Variants in ATG10 observed in about 807,000 individuals in gnomAD.
The protein encoded by ATG10 is autophagy related 10.
ATG10 carries 30 observed loss-of-function variants against 32.1 expected under a neutral mutation model. The observed-to-expected ratio is 0.94, with a 90% CI of 0.70 to 1.27. ATG10 has a LOEUF of 1.27. ATG10 is among the 50% of genes most tolerant of loss of function. ATG10 has a pLI of 0.00. For missense variants in ATG10, 233 were observed against 262.3 expected, an observed-to-expected ratio of 0.89 and a Z score of 0.77; for synonymous variants, 87 against 91.5, an observed-to-expected ratio of 0.95 and a Z score of 0.28.
At chr5:82,048,395 G>A (rs541151101) in intron 2 of ATG10, among the ~76,000 whole-genome samples, 1 of 150,476 alleles carries the variant, frequency 6.6e-6, no homozygotes, top group East Asian at 2.0e-4. Context: ...TTATTTCCTT[G>A]AGCAGTGGTT....
At position 82,174,008 on chromosome 5, in the gene ATG10, T is replaced by G. The variant is rs536038361; in HGVS notation, c.356-4482T>G. ...TATGATGCAGTTCTTTATACATATA[T>G]AAATATCCCAGTTTGTTTCAGTGGG... On this transcript the variant is annotated intron_variant, in intron 4 of 7. Coordinates refer to ENST00000282185, the MANE Select transcript of ATG10 (RefSeq NM_031482.5). Among the ~76,000 whole-genome samples the G allele has an allele frequency of 2.0e-5, 3 of 152,330 alleles. No individual in the cohort carries two copies. The East Asian group carries it at 5.8e-4, about 29-fold the overall frequency.
At chr5:82,220,635 C>CTTTTT (rs1189095698) in intron 5 of ATG10, among the ~76,000 whole-genome samples, 1 of 143,154 alleles carries the variant, frequency 7.0e-6, no homozygotes, top group African/African-American at 2.6e-5. Flanking sequence ...CTCTCTCTCT[C>CTTTTT]TTTTTTTTTT....
chr5:82,017,740 T>C (rs543470015), intron 2 of ATG10, among the ~76,000 whole-genome samples: 1 of 152,322 alleles, frequency 6.6e-6, no homozygotes, highest in East Asian at 1.9e-4. Context: ...ACCAGTGATA[T>C]CTAGGCTGCT....
intron 3 of ATG10, among the ~76,000 whole-genome samples, chr5:82,132,196 C>T (rs74335553): frequency 0.063 from 9,532 of 151,974 alleles, 399 homozygotes; most frequent in Non-Finnish European, 0.09. Context: ...AGAGTGTGTA[C>T]TATAGTTCCT....
intron 2 of ATG10, among the ~76,000 whole-genome samples, chr5:82,018,091 A>G (rs1380736597): frequency 1.3e-5 from 2 of 152,044 alleles, no homozygotes; most frequent in Non-Finnish European, 2.9e-5. Context: ...TGACACTTCT[A>G]CTTTGATGGA....
At chr5:82,155,690 A>C (rs1767773916) in intron 3 of ATG10, among the ~76,000 whole-genome samples, 1 of 152,230 alleles carries the variant, frequency 6.6e-6, no homozygotes, top group South Asian at 2.1e-4. Flanking sequence ...TATTATATAA[A>C]AATAATGACT....
chr5:82,252,368 A>T (rs544735880), intron 5 of ATG10, among the ~76,000 whole-genome samples, 194 bp from the exon 6 acceptor site: 1 of 152,380 alleles, frequency 6.6e-6, no homozygotes, highest in South Asian at 2.1e-4. Context: ...TTATCAATGA[A>T]TAGTCCTTTC....
intron 3 of ATG10, among the ~76,000 whole-genome samples, chr5:82,157,430 C>T (rs1293023473): frequency 2.0e-5 from 3 of 151,242 alleles, no homozygotes; most frequent in Admixed American, 6.6e-5. Flanking sequence ...AAAAGAATTA[C>T]GTTGCTTGCA....
intron 1 of ATG10, among the ~76,000 whole-genome samples, chr5:81,979,462 A>G (rs560746601): frequency 2.1e-4 from 32 of 152,160 alleles, no homozygotes; most frequent in African/African-American, 7.7e-4. Context: ...CGGGAGGCGG[A>G]GCTTGCAGTG....
chr5:82,069,848 G>A (rs562892030), intron 3 of ATG10, among the ~76,000 whole-genome samples: 40 of 152,128 alleles, frequency 2.6e-4, no homozygotes, highest in Non-Finnish European at 4.0e-4. Context: ...TTACCTTAAA[G>A]CAAAAGGAAA....
intron 2 of ATG10, among the ~76,000 whole-genome samples, chr5:82,003,850 A>G (rs1055136512): frequency 1.3e-5 from 2 of 152,218 alleles, no homozygotes; most frequent in African/African-American, 4.8e-5. Context: ...ATATAAAAGG[A>G]TAGTAGAGGC....
chr5:82,098,827 C>A (rs1455373832), intron 3 of ATG10, among the ~76,000 whole-genome samples: 1 of 152,218 alleles, frequency 6.6e-6, no homozygotes, highest in African/African-American at 2.4e-5. Flanking sequence ...TGATCCACAA[C>A]AAGTCAGCCT....
chr5:81,993,521 C>A (rs140479054), intron 2 of ATG10, among the ~76,000 whole-genome samples: 2 of 150,142 alleles, frequency 1.3e-5, no homozygotes, highest in Non-Finnish European at 3.0e-5. Context: ...CTGTGCCTCC[C>A]GGGTTCCAGT....
intron 3 of ATG10, among the ~76,000 whole-genome samples, chr5:82,098,404 T>A (rs1178180624): frequency 6.8e-6 from 1 of 146,604 alleles, no homozygotes; most frequent in Non-Finnish European, 1.5e-5. Context: ...CTCCGCCTCC[T>A]GGGTTCAAGC....
chr5:82,089,947 C>T (rs561847090), intron 3 of ATG10, among the ~76,000 whole-genome samples: 28 of 151,756 alleles, frequency 1.8e-4, no homozygotes, highest in Non-Finnish European at 3.8e-4. Flanking sequence ...CAAAGAGTCA[C>T]TGAAGGGAAT....
chr5:82,108,891 C>T (rs1442499623), intron 3 of ATG10, among the ~76,000 whole-genome samples: 1 of 121,314 alleles, frequency 8.2e-6, no homozygotes, highest in African/African-American at 2.6e-5. Flanking sequence ...GGGAAACAGG[C>T]ATAGGGGGGA....
chr5:82,001,203 C>T (rs1162499395), intron 2 of ATG10, among the ~76,000 whole-genome samples: 1 of 152,200 alleles, frequency 6.6e-6, no homozygotes, highest in East Asian at 1.9e-4. Context: ...AATGGCCATA[C>T]TGCCCAAAGC....
At chr5:82,069,740 T>C (rs776588558) in intron 3 of ATG10, among the ~76,000 whole-genome samples, 13 of 152,306 alleles carry the variant, frequency 8.5e-5, no homozygotes, top group Admixed American at 2.6e-4. Context: ...ATCAGTTTAT[T>C]ATCTATTTTA....
chr5:82,045,510 C>T (rs1325408210), intron 2 of ATG10, among the ~76,000 whole-genome samples: 2 of 152,086 alleles, frequency 1.3e-5, no homozygotes. Context: ...GCTTCTCCTC[C>T]TTCTGCTGTT....
Sources: allele counts gnomAD v4.1 joint callset (sites outside exome capture counted in the v4.1 genomes callset), GRCh38; gene constraint gnomAD v4.1.1; transcripts MANE v1.5; gene names NCBI Gene and HGNC (gene_info 2026-07-23, HGNC 2026-07-21).